The following SRGAP1 variants were observed in gnomAD, a reference collection of about 807,000 sequenced individuals.
The protein encoded by SRGAP1 is SLIT-ROBO Rho GTPase activating protein 1.
SRGAP1 carries 43 observed loss-of-function variants against 121.9 expected under a neutral mutation model. That is an observed-to-expected ratio of 0.35 (90% CI 0.28 to 0.46). The LOEUF is 0.46. Among genes scored for constraint, SRGAP1 ranks in the 20% least tolerant of loss-of-function variants. The probability of loss-of-function intolerance (pLI) is 1.00; values close to 1 mark genes in which losing one functional copy is unlikely to be tolerated. For synonymous variants in SRGAP1, 447 were observed against 485.4 expected (o/e 0.92, Z 1.04); for missense variants, 1,102 against 1,350.9 (o/e 0.82, Z 2.89).
In SRGAP1 at chr12:64,127,626, C is replaced by T. The variant is rs200704606; in HGVS notation, c.2442C>T (p.Ala814=). Residue 814 remains alanine, a synonymous_variant, in exon 20 of 22, where the codon GCC becomes GCT. Coordinates refer to ENST00000355086, the MANE Select transcript of SRGAP1 (RefSeq NM_020762.4). ...TTTCAGACACTCTGAGCCAAAAAGC[C>T]GACAGTGAGGCCAGCAGTGGGCCAG... is the stretch of plus-strand genomic sequence containing the variant. The part of the protein sequence containing the change: ...DTFSDTLSQK[A]DSEASSGPVT... 42 of 1,613,950 alleles carry T rather than the reference C, an allele frequency of 2.6e-5. No homozygotes were observed. The highest frequency in any genetic ancestry group is 3.3e-5 in the South Asian group (3 of 91,038).
At chr12:63,897,907 A>G (rs1362024715) in intron 1 of SRGAP1, among the ~76,000 whole-genome samples, 1 of 152,160 alleles carries the variant, frequency 6.6e-6, no homozygotes, top group Non-Finnish European at 1.5e-5. Context: ...AGTCAGAGAA[A>G]AAGAAGGCAC....
At chr12:63,981,380 A>C (rs2033241579) in intron 1 of SRGAP1, among the ~76,000 whole-genome samples, 1 of 152,194 alleles carries the variant, frequency 6.6e-6, no homozygotes, top group South Asian at 2.1e-4. Flanking sequence ...AACAAACAAA[A>C]AAAACCCCAG....
intron 1 of SRGAP1, among the ~76,000 whole-genome samples, chr12:63,868,058 T>TATATA (rs59452978): frequency 6.9e-4 from 45 of 65,326 alleles, no homozygotes; most frequent in African/African-American, 2.5e-3. Flanking sequence ...ATATATATAT[T>TATATA]TTTTTTTTTT....
intron 1 of SRGAP1, among the ~76,000 whole-genome samples, chr12:63,861,252 A>G (rs1034617554): frequency 2.0e-5 from 3 of 149,462 alleles, no homozygotes; most frequent in South Asian, 2.1e-4. Context: ...AGCTCAAGCA[A>G]TCTGCCCAGC....
chr12:64,073,530 G>A (rs367636072), intron 8 of SRGAP1, among the ~76,000 whole-genome samples: 10 of 152,204 alleles, frequency 6.6e-5, no homozygotes, highest in Admixed American at 1.3e-4. Context: ...ACCAAAACCC[G>A]AAGATGCTCA....
chr12:64,142,511 G>A lies in SRGAP1; in HGVS notation c.3097G>A (p.Asp1033Asn). 1 of 1,614,164 alleles carries A rather than the reference G, an allele frequency of 6.2e-7. No individual in the cohort carries two copies. Among genetic ancestry groups the A allele is most frequent in the Non-Finnish European group, 8.5e-7 (1 of 1,180,030 alleles). The change falls in exon 22 of 22, where the codon GAC (aspartate) becomes AAC (asparagine). Residue 1033 changes from aspartate (D) to asparagine (N), a missense_variant. Asp to Asn is a conservative substitution (Grantham distance 23, BLOSUM62 1). Coordinates refer to ENST00000355086, the MANE Select transcript of SRGAP1 (RefSeq NM_020762.4). ...QIRRSTSSSS[D>N]TMSTFKPMVA... is the part of the protein sequence containing the mutation. ...TCGACGTAGCACGAGCTCCTCCAGT[G>A]ACACAATGAGTACTTTCAAGCCTAT...
chr12:64,107,501 G>A (rs1333217057), intron 15 of SRGAP1, among the ~76,000 whole-genome samples: 2 of 152,152 alleles, frequency 1.3e-5, no homozygotes, highest in Non-Finnish European at 2.9e-5. Flanking sequence ...GAAACTACAG[G>A]ACTTCTTTCC....
chr12:63,880,080 A>G (rs187570859), intron 1 of SRGAP1, among the ~76,000 whole-genome samples: 1 of 152,280 alleles, frequency 6.6e-6, no homozygotes, highest in Non-Finnish European at 1.5e-5. Flanking sequence ...TGATAGTGGA[A>G]AAGTCTCATG....
At chr12:63,847,544 G>A (rs1325752456) in intron 1 of SRGAP1, among the ~76,000 whole-genome samples, 1 of 151,308 alleles carries the variant, frequency 6.6e-6, no homozygotes, top group African/African-American at 2.4e-5. Flanking sequence ...ACTTGAGGCC[G>A]AGACCAGCCT....
chr12:64,076,644 G>T (rs537943433), intron 8 of SRGAP1, among the ~76,000 whole-genome samples: 3 of 151,628 alleles, frequency 2.0e-5, no homozygotes, highest in Middle Eastern at 6.8e-3. Flanking sequence ...CTCCCAGAAA[G>T]AAAAAAAAAT....
At chr12:63,967,525 C>CGA (rs1452324291) in intron 1 of SRGAP1, among the ~76,000 whole-genome samples, 1 of 152,154 alleles carries the variant, frequency 6.6e-6, no homozygotes, top group Non-Finnish European at 1.5e-5. Context: ...AACCAGTGGA[C>CGA]GAGTTCTTAT....
At chr12:64,136,447 C>T (rs975608349) in intron 21 of SRGAP1, among the ~76,000 whole-genome samples, 1 of 152,106 alleles carries the variant, frequency 6.6e-6, no homozygotes, top group African/African-American at 2.4e-5. Flanking sequence ...TAAAAGGCAA[C>T]TTCCAGCTAT....
chr12:63,994,159 A>G (rs2033630290), intron 3 of SRGAP1, among the ~76,000 whole-genome samples: 1 of 152,186 alleles, frequency 6.6e-6, no homozygotes, highest in Non-Finnish European at 1.5e-5. Context: ...ATGGAAAACC[A>G]CTTAGCCTAG....
intron 1 of SRGAP1, among the ~76,000 whole-genome samples, chr12:63,945,645 C>T (rs1439865082): frequency 6.6e-6 from 1 of 152,220 alleles, no homozygotes; most frequent in East Asian, 1.9e-4. Flanking sequence ...GATACTGTCA[C>T]TGTTGTACAT....
intron 4 of SRGAP1, among the ~76,000 whole-genome samples, chr12:64,022,615 G>A (rs1433811926): frequency 6.6e-6 from 1 of 152,096 alleles, no homozygotes; most frequent in Non-Finnish European, 1.5e-5. Flanking sequence ...AATTATTACG[G>A]CATCTGACAA....
intron 3 of SRGAP1, among the ~76,000 whole-genome samples, chr12:63,997,578 C>G (rs2033748196): frequency 6.6e-6 from 1 of 152,056 alleles, no homozygotes; most frequent in East Asian, 1.9e-4. Context: ...GTTTGCTTAT[C>G]TGTAGTTTCT....
chr12:64,029,416 AAC>A (rs2136484607), intron 4 of SRGAP1, among the ~76,000 whole-genome samples: 1 of 152,302 alleles, frequency 6.6e-6, no homozygotes, highest in African/African-American at 2.4e-5. Context: ...ATGGCCGAGT[AAC>A]ACACAGCCCT....
intron 10 of SRGAP1, among the ~76,000 whole-genome samples, chr12:64,085,631 G>C (rs1454454819): frequency 1.3e-5 from 2 of 152,100 alleles, no homozygotes; most frequent in African/African-American, 2.4e-5. Flanking sequence ...ACCACAGTCA[G>C]CTCACCATCT....
At chr12:64,070,611 C>T (rs953777409) in intron 8 of SRGAP1, among the ~76,000 whole-genome samples, 3 of 152,174 alleles carry the variant, frequency 2.0e-5, no homozygotes, top group Non-Finnish European at 4.4e-5. Flanking sequence ...GATAGCTCCA[C>T]GTAAATTTTC....
Sources: gnomAD v4.1 joint callset for allele counts (sites outside exome capture counted in the v4.1 genomes callset) on GRCh38, gnomAD v4.1.1 for gene constraint, MANE v1.5 for transcripts, NCBI Gene and HGNC (gene_info 2026-07-23, HGNC 2026-07-21) for gene names.